The following ATXN7L1 variants were observed in gnomAD, a reference collection of about 807,000 sequenced individuals.
ATXN7L1 encodes the protein ataxin 7 like 1.
A neutral mutation model predicts 70.8 loss-of-function variants in ATXN7L1; 15 were observed. That is an observed-to-expected ratio of 0.21 (90% confidence interval 0.14 to 0.33). The LOEUF (loss-of-function observed/expected upper bound fraction) is 0.33. ATXN7L1 is among the 10% of genes least tolerant of loss of function. The pLI, the probability that ATXN7L1 is intolerant of heterozygous loss-of-function variation, is 1.00. For missense variants in ATXN7L1, 975 were observed against 1,097.1 expected (o/e 0.89, Z 1.57); for synonymous variants, 440 against 445.1 (o/e 0.99, Z 0.14).
rs1272997351 is a variant in ATXN7L1, at chr7:105,667,507, G to A, written c.356-2219C>T. On this transcript the variant is annotated intron_variant, in intron 3 of 11. Coordinates refer to ENST00000419735, the MANE Select transcript of ATXN7L1 (RefSeq NM_020725.2). ...GAGGTCAGGAGATCGAGACCATCCCGGCTAAAATGGTGAAACCCCGTCTCT... is the reference window on the plus strand; with the variant it reads ...GAGGTCAGGAGATCGAGACCATCCCAGCTAAAATGGTGAAACCCCGTCTCT... 3.0e-5 allele frequency among the ~76,000 whole-genome samples: 3 copies of A among 100,710 alleles called. 1 individual carries two copies. Among genetic ancestry groups the A allele is most frequent in the African/African-American group, 9.0e-5 (3 of 33,514 alleles). 66.1% of individuals were successfully genotyped at this position (100,710 alleles called of 152,430 possible). A position where few individuals can be genotyped will look rare whatever the true frequency, so the allele number is the denominator to read the frequency against.
intron 3 of ATXN7L1, among the ~76,000 whole-genome samples, chr7:105,752,485 A>C (rs1354840717): frequency 6.6e-6 from 1 of 152,178 alleles, no homozygotes; most frequent in Non-Finnish European, 1.5e-5. Flanking sequence ...AGTTCACCCT[A>C]GTCTAGGATG....
At chr7:105,622,006 A>G (rs1044743714) in intron 8 of ATXN7L1, among the ~76,000 whole-genome samples, 7 of 152,160 alleles carry the variant, frequency 4.6e-5, no homozygotes, top group African/African-American at 1.7e-4. Flanking sequence ...AAAACACACA[A>G]AGGGAATTTT....
At chr7:105,831,546 A>T (rs1414893621) in intron 2 of ATXN7L1, among the ~76,000 whole-genome samples, 1 of 152,236 alleles carries the variant, frequency 6.6e-6, no homozygotes, top group Non-Finnish European at 1.5e-5. Context: ...TAAATATGGC[A>T]GGTTGATAAA....
intron 9 of ATXN7L1, among the ~76,000 whole-genome samples, chr7:105,619,139 A>ATTTTTTTTTTTTTTTTTTTTT (rs1794365463): frequency 8.5e-5 from 2 of 23,584 alleles, no homozygotes; most frequent in South Asian, 1.6e-3. Flanking sequence ...TGAAATCTTT[A>ATTTTTTTTTTTTTTTTTTTTT]GTTTTTTTTT....
chr7:105,748,637 G>A, intron 3 of ATXN7L1, among the ~76,000 whole-genome samples: 1 of 152,194 alleles, frequency 6.6e-6, no homozygotes, highest in East Asian at 1.9e-4. Context: ...GACTGAGCTA[G>A]AAAGCTGAGG....
At chr7:105,738,116 T>C (rs1171666050) in intron 3 of ATXN7L1, among the ~76,000 whole-genome samples, 1 of 152,160 alleles carries the variant, frequency 6.6e-6, no homozygotes. Flanking sequence ...TGGGCAACCT[T>C]TGTATGAAAA....
intron 2 of ATXN7L1, among the ~76,000 whole-genome samples, chr7:105,825,379 T>C (rs537116627): frequency 3.3e-5 from 5 of 152,092 alleles, no homozygotes; most frequent in South Asian, 4.2e-4. Flanking sequence ...GAGGGGCTAA[T>C]GGGCTCCAGA....
chr7:105,836,227 A>G (rs1812354802), intron 2 of ATXN7L1, among the ~76,000 whole-genome samples: 1 of 152,200 alleles, frequency 6.6e-6, no homozygotes, highest in Non-Finnish European at 1.5e-5. Context: ...AGTGAAGGGA[A>G]TATGCCTACT....
chr7:105,850,331 C>T (rs1232769435), intron 2 of ATXN7L1, among the ~76,000 whole-genome samples: 2 of 152,212 alleles, frequency 1.3e-5, no homozygotes, highest in African/African-American at 4.8e-5. Context: ...GCACACTGTT[C>T]CCACAGGAGA....
At chr7:105,829,461 A>G (rs192083331) in intron 2 of ATXN7L1, among the ~76,000 whole-genome samples, 9 of 152,216 alleles carry the variant, frequency 5.9e-5, no homozygotes, top group Admixed American at 2.0e-4. Context: ...TAAAAAACAA[A>G]CAAACAACAA....
At chr7:105,696,765 T>C (rs1455847593) in intron 3 of ATXN7L1, among the ~76,000 whole-genome samples, 1 of 152,202 alleles carries the variant, frequency 6.6e-6, no homozygotes, top group East Asian at 1.9e-4. Context: ...GCTGGAGAGC[T>C]CAGTACATCC....
At chr7:105,729,065 AC>A (rs1796226101) in intron 3 of ATXN7L1, among the ~76,000 whole-genome samples, 1 of 152,030 alleles carries the variant, frequency 6.6e-6, no homozygotes. Context: ...GGAGTTTGAG[AC>A]TAGCCTGGGA....
chr7:105,678,093 T>C (rs1804983870), intron 3 of ATXN7L1: 1 of 179,108 alleles, frequency 5.6e-6, no homozygotes, highest in Non-Finnish European at 9.6e-6. Flanking sequence ...AGACACATAC[T>C]TTTTTTTTTT....
intron 2 of ATXN7L1, among the ~76,000 whole-genome samples, chr7:105,836,683 G>A (rs957395663): frequency 6.6e-6 from 1 of 152,192 alleles, no homozygotes; most frequent in African/African-American, 2.4e-5. Context: ...GGACATCTCA[G>A]GATTTGAAAT....
intron 3 of ATXN7L1, among the ~76,000 whole-genome samples, chr7:105,708,964 A>G (rs768094358): frequency 1.3e-5 from 2 of 152,254 alleles, no homozygotes; most frequent in African/African-American, 2.4e-5. Context: ...TCAAACATCA[A>G]TGACTCCAGT....
intron 2 of ATXN7L1, among the ~76,000 whole-genome samples, chr7:105,854,961 T>C (rs886759700): frequency 6.8e-6 from 1 of 148,054 alleles, no homozygotes; most frequent in East Asian, 2.0e-4. Context: ...TCTTCTTCTT[T>C]TTTTTTTTTT....
chr7:105,788,878 T>C (rs1277118297), intron 2 of ATXN7L1, among the ~76,000 whole-genome samples, 170 bp from the exon 3 acceptor site: 2 of 152,208 alleles, frequency 1.3e-5, no homozygotes, highest in African/African-American at 4.8e-5. Flanking sequence ...TCCCCGCCTC[T>C]TAGAGAAGCA....
chr7:105,722,864 G>A (rs1233761308), intron 3 of ATXN7L1, among the ~76,000 whole-genome samples: 3 of 151,846 alleles, frequency 2.0e-5, no homozygotes, highest in Non-Finnish European at 4.4e-5. Flanking sequence ...CAGCCTGGGC[G>A]ACAGGGTGAG....
chr7:105,727,777 T>TATATATATATATACACACAC (rs1462125950), intron 3 of ATXN7L1, among the ~76,000 whole-genome samples: 2 of 90,246 alleles, frequency 2.2e-5, no homozygotes, highest in African/African-American at 1.2e-4. Context: ...TATATATATA[T>TATATATATATATACACACAC]ACACACACAT....
Sources: gnomAD v4.1 joint callset for allele counts (sites outside exome capture counted in the v4.1 genomes callset) on GRCh38, gnomAD v4.1.1 for gene constraint, MANE v1.5 for transcripts, NCBI Gene and HGNC (gene_info 2026-07-23, HGNC 2026-07-21) for gene names.